FYB1: variants seen among roughly 807,000 people sequenced by gnomAD.
FYB1 encodes the protein FYN-binding protein 1.
In FYB1, 41 loss-of-function variants were observed where a neutral mutation model predicts 94.1. The ratio of observed to expected loss-of-function variants is 0.44; its 90% CI spans 0.34 to 0.57. FYB1 has a LOEUF of 0.57. Ranked by LOEUF, FYB1 falls within the 20% of genes least tolerant of loss-of-function variation. The pLI, the probability that FYB1 is intolerant of heterozygous loss-of-function variation, is 0.02. For missense variants in FYB1, 1,050 were observed against 976.8 expected (o/e 1.07, Z -1.00); for synonymous variants, 367 against 353.2 (o/e 1.04, Z -0.44).
chr5:39,207,263 G>A (rs1226813110), intron 1 of FYB1, among the ~76,000 whole-genome samples: 2 of 152,108 alleles, frequency 1.3e-5, no homozygotes, highest in Non-Finnish European at 2.9e-5. Context: ...ATAATGCTTA[G>A]TCCAGATTAC....
chr5:39,245,562 G>T lies in FYB1; in HGVS notation c.-28+28841C>A, dbSNP rs137940105. ...GATATCCAAGAGCAGAGGATTTCTG[G>T]GTTGGATGTCCAGACAAGATGAGAA... On this transcript the variant is annotated intron_variant, in intron 1 of 1. Coordinates refer to the FYB1 transcript ENST00000510188. Among the ~76,000 whole-genome samples the T allele has an allele frequency of 2.7e-3, 407 of 151,844 alleles. 2 individuals carry two copies. The highest frequency in any genetic ancestry group is 0.01 in the Middle Eastern group (3 of 292).
Position 39,124,220 on chromosome 5 carries a change from A to T in FYB1, c.2071+33T>A, listed in dbSNP as rs41304874. On this transcript the variant is annotated intron_variant, in intron 13 of 18. Transcript: ENST00000512982. ...CACTACCACACTGCAAGAAATGAAG[A>T]TACAGAACATACAATCAGTTTTTAT... The T allele has an allele frequency of 7.5e-6, 11 of 1,473,978 alleles. No homozygotes were observed. In the South Asian group the frequency reaches 1.3e-4, roughly 17 times the overall value. The allele number at this position is 1,473,978 out of a possible 1,614,324, so 91.3% of individuals were successfully genotyped here.
chr5:39,125,273 C>T (rs1051994163), intron 12 of FYB1, among the ~76,000 whole-genome samples: 6 of 151,948 alleles, frequency 3.9e-5, no homozygotes, highest in African/African-American at 1.2e-4. Flanking sequence ...GTGGTGAATT[C>T]ATGAGCTAAA....
chr5:39,227,486 T>TA (rs71757191), intron 1 of FYB1, among the ~76,000 whole-genome samples: 25,461 of 152,112 alleles, frequency 0.17, 5,681 homozygotes, highest in African/African-American at 0.49. Context: ...TATACACACA[T>TA]ATGTGGCAAC....
intron 2 of FYB1, among the ~76,000 whole-genome samples, chr5:39,189,970 T>C (rs1201284856): frequency 6.6e-6 from 1 of 152,242 alleles, no homozygotes; most frequent in African/African-American, 2.4e-5. Flanking sequence ...CTTGAGAAAT[T>C]GAGCCAGTTG....
At chr5:39,241,990 C>A (rs1487582237) in intron 1 of FYB1, among the ~76,000 whole-genome samples, 4 of 152,138 alleles carry the variant, frequency 2.6e-5, no homozygotes, top group Non-Finnish European at 5.9e-5. Context: ...CATATTCCCT[C>A]CAAATTTTTC....
chr5:39,209,485 C>T (rs965435840), intron 1 of FYB1, among the ~76,000 whole-genome samples: 1 of 152,074 alleles, frequency 6.6e-6, no homozygotes, highest in African/African-American at 2.4e-5. Context: ...ACCACCACGC[C>T]TGGCTAATTT....
chr5:39,235,570 C>T (rs1437568930), intron 1 of FYB1, among the ~76,000 whole-genome samples: 2 of 136,618 alleles, frequency 1.5e-5, no homozygotes, highest in African/African-American at 6.9e-5. Context: ...TAAATCTTTA[C>T]TTGTTTTTTT....
At chr5:39,231,147 C>CAAAAAAAAAAAAAAAAA (rs747268330) in intron 1 of FYB1, among the ~76,000 whole-genome samples, 11 of 40,930 alleles carry the variant, frequency 2.7e-4, no homozygotes, top group East Asian at 6.8e-4. Context: ...CAGCTCAGAG[C>CAAAAAAAAAAAAAAAAA]AAAAAAAAAA....
At chr5:39,138,865 T>A (rs1315179581) in intron 5 of FYB1, 174 bp from the exon 6 acceptor site, 1 of 649,226 alleles carries the variant, frequency 1.5e-6, no homozygotes, top group Non-Finnish European at 2.8e-6. Context: ...GAATTATTTT[T>A]GAAAGAATAA....
intron 1 of FYB1, among the ~76,000 whole-genome samples, chr5:39,235,502 C>T (rs1402006242): frequency 1.3e-5 from 2 of 151,780 alleles, no homozygotes; most frequent in Admixed American, 1.3e-4. Flanking sequence ...TTTGTGAATT[C>T]AGCAGAATTC....
intron 1 of FYB1, among the ~76,000 whole-genome samples, chr5:39,264,387 G>A (rs1327687674): frequency 3.3e-5 from 5 of 152,122 alleles, no homozygotes; most frequent in Non-Finnish European, 7.4e-5. Context: ...TTTGTAGCCC[G>A]CAAAACTGTA....
intron 2 of FYB1, chr5:39,170,179 T>C (rs186592665): frequency 1.3e-6 from 1 of 785,176 alleles, no homozygotes; most frequent in East Asian, 2.5e-5. Context: ...CAAATCTGTA[T>C]TTGAACTTCT....
At chr5:39,268,016 T>C (rs1318571488) in intron 1 of FYB1, among the ~76,000 whole-genome samples, 1 of 152,168 alleles carries the variant, frequency 6.6e-6, no homozygotes, top group Non-Finnish European at 1.5e-5. Context: ...GATTTATCAT[T>C]AAAAACTACA....
chr5:39,124,915 CCACACACACACACACACACACACACACA>C (rs56887056), intron 12 of FYB1, among the ~76,000 whole-genome samples: 1 of 139,476 alleles, frequency 7.2e-6, no homozygotes, highest in African/African-American at 2.7e-5. Context: ...TAAATACACT[CCACACACACACACACACACACACACACA>C]CACACACACA....
intron 2 of FYB1, among the ~76,000 whole-genome samples, chr5:39,175,443 T>G (rs1745635553): frequency 6.6e-6 from 1 of 152,172 alleles, no homozygotes; most frequent in South Asian, 2.1e-4. Context: ...CGGTGTCCAA[T>G]GGTTGTAACT....
chr5:39,162,528 T>G (rs1266338396), intron 2 of FYB1, among the ~76,000 whole-genome samples: 1 of 152,042 alleles, frequency 6.6e-6, no homozygotes, highest in African/African-American at 2.4e-5. Context: ...CTACTAAAAA[T>G]ACAAAAATTA....
At chr5:39,168,160 A>G (rs192276138) in intron 2 of FYB1, among the ~76,000 whole-genome samples, 189 of 152,284 alleles carry the variant, frequency 1.2e-3, no homozygotes, top group African/African-American at 4.2e-3. Flanking sequence ...TTTTTTTCAA[A>G]AACTTTTAGC....
At chr5:39,169,293 T>C in intron 2 of FYB1, 1 of 877,312 alleles carries the variant, frequency 1.1e-6, no homozygotes, top group Non-Finnish European at 1.9e-6. Context: ...CCAAGCCATA[T>C]ATATAATCAC....
Sources: gnomAD v4.1 joint callset for allele counts (sites outside exome capture counted in the v4.1 genomes callset) on GRCh38, gnomAD v4.1.1 for gene constraint, MANE v1.5 for transcripts, NCBI Gene and HGNC (gene_info 2026-07-23, HGNC 2026-07-21) for gene names.